TLL1: variants seen among roughly 807,000 people sequenced by gnomAD.
TLL1 encodes the protein tolloid-like protein 1.
In TLL1, 49 loss-of-function variants were observed where a neutral mutation model predicts 128.2. The observed-to-expected ratio is 0.38, with a 90% CI of 0.30 to 0.48. TLL1 has a LOEUF of 0.48. Among genes scored for constraint, TLL1 ranks in the 20% least tolerant of loss-of-function variants. The probability of loss-of-function intolerance (pLI) is 0.96; values close to 1 mark genes in which losing one functional copy is unlikely to be tolerated. For synonymous variants in TLL1, 454 were observed against 418.8 expected (o/e 1.08, Z -1.03); for missense variants, 1,123 against 1,242.0 (o/e 0.90, Z 1.44).
chr4:166,077,522 TG>T (rs1741089600), intron 17 of TLL1, among the ~76,000 whole-genome samples: 1 of 152,176 alleles, frequency 6.6e-6, no homozygotes, highest in African/African-American at 2.4e-5. Context: ...AAATTGAAAA[TG>T]GCATAGTCCA....
intron 1 of TLL1, among the ~76,000 whole-genome samples, chr4:165,941,942 A>T (rs988877043): frequency 2.6e-5 from 4 of 151,988 alleles, no homozygotes; most frequent in African/African-American, 9.7e-5. Context: ...ATAGCAAATG[A>T]TTCAATGTGT....
rs148705563 is a variant in TLL1 at position 166,035,236 on chromosome 4, T to C, written c.1159-4103T>C. Among the ~76,000 whole-genome samples the C allele has an allele frequency of 4.2e-3, 646 of 152,276 alleles. 2 individuals are homozygous for C. The highest frequency in any genetic ancestry group is 0.014 in the African/African-American group (602 of 41,580). Reference sequence around the variant, plus strand: ...CAGAAAAGTTATTTTAATAGAATAATTCAGCTCTTGGTTTCCACCTGTCAT... The same window carrying C: ...CAGAAAAGTTATTTTAATAGAATAACTCAGCTCTTGGTTTCCACCTGTCAT... On this transcript the variant is annotated intron_variant, in intron 9 of 20. Coordinates refer to ENST00000061240, the MANE Select transcript of TLL1 (RefSeq NM_012464.5).
chr4:165,975,528 A>G (rs997036138), intron 1 of TLL1, among the ~76,000 whole-genome samples: 7 of 152,222 alleles, frequency 4.6e-5, no homozygotes, highest in African/African-American at 1.7e-4. Context: ...AAAAAGAAAT[A>G]ATGTCTTCCA....
chr4:166,038,923 T>G (rs1208200989), intron 9 of TLL1, among the ~76,000 whole-genome samples: 1 of 152,180 alleles, frequency 6.6e-6, no homozygotes, highest in African/African-American at 2.4e-5. Context: ...ACTGGTCATT[T>G]TTGAAATAAA....
chr4:165,950,798 C>T (rs955632526), intron 1 of TLL1, among the ~76,000 whole-genome samples: 1 of 151,862 alleles, frequency 6.6e-6, no homozygotes, highest in African/African-American at 2.4e-5. Flanking sequence ...GCATTAAATG[C>T]TTATATTTAA....
intron 1 of TLL1, among the ~76,000 whole-genome samples, chr4:165,918,737 T>C (rs1732896948): frequency 6.6e-6 from 1 of 152,170 alleles, no homozygotes; most frequent in African/African-American, 2.4e-5. Flanking sequence ...AGTTTGTGTT[T>C]TTTATTTTGA....
At chr4:166,068,082 T>A (rs1288346173) in intron 16 of TLL1, among the ~76,000 whole-genome samples, 1 of 151,870 alleles carries the variant, frequency 6.6e-6, no homozygotes, top group Non-Finnish European at 1.5e-5. Context: ...GGGTTCACTT[T>A]GTGAATCATT....
chr4:165,977,756 A>G (rs924322794), intron 1 of TLL1, among the ~76,000 whole-genome samples: 43 of 152,360 alleles, frequency 2.8e-4, no homozygotes, highest in African/African-American at 1.0e-3. Flanking sequence ...CAATAAGCAT[A>G]AGACAAATCT....
chr4:166,095,505 A>T (rs1389155536), intron 19 of TLL1, among the ~76,000 whole-genome samples: 3 of 152,114 alleles, frequency 2.0e-5, no homozygotes. Context: ...TTTAAAATCA[A>T]AGCATTTTCT....
intron 1 of TLL1, among the ~76,000 whole-genome samples, chr4:165,975,531 G>A (rs1030269541): frequency 6.6e-6 from 1 of 152,092 alleles, no homozygotes; most frequent in African/African-American, 2.4e-5. Context: ...AAGAAATAAT[G>A]TCTTCCAGCT....
intron 8 of TLL1, among the ~76,000 whole-genome samples, chr4:166,019,951 G>A (rs1358488008): frequency 1.3e-5 from 2 of 152,086 alleles, no homozygotes; most frequent in African/African-American, 4.8e-5. Flanking sequence ...ACAGAAATAA[G>A]GTTAGGAAGG....
intron 1 of TLL1, among the ~76,000 whole-genome samples, chr4:165,912,804 G>A (rs542860539): frequency 2.0e-5 from 3 of 151,348 alleles, no homozygotes; most frequent in Non-Finnish European, 4.4e-5. Context: ...AAAAGTATCT[G>A]TTTATACTTA....
At chr4:166,054,542 T>C (rs911292955) in intron 12 of TLL1, among the ~76,000 whole-genome samples, 7 of 150,510 alleles carry the variant, frequency 4.7e-5, no homozygotes, top group Non-Finnish European at 1.0e-4. Context: ...ATTAGGTATA[T>C]CTCCCAATGC....
chr4:165,929,537 C>A (rs374100488), intron 1 of TLL1, among the ~76,000 whole-genome samples: 56 of 134,058 alleles, frequency 4.2e-4, no homozygotes, highest in Admixed American at 4.5e-4. Context: ...GACTCCATCT[C>A]AAAAAAAAAA....
rs549689028 is a variant in TLL1, at chr4:165,873,761, T to G, written c.-144T>G. 1 of 808,252 alleles carries G rather than the reference T, an allele frequency of 1.2e-6. No homozygotes were observed. The highest frequency in any genetic ancestry group is 2.5e-5 in the East Asian group (1 of 39,534). 50.1% of individuals were successfully genotyped at this position (808,252 alleles called of 1,614,324 possible). ...ACTGTCCCGGCGGCATCCACATGTT[T>G]CCGGACACCTGAGCACCCCGGTCCC... On this transcript the variant is annotated 5_prime_UTR_variant, in exon 1 of 21. Transcript: ENST00000061240.
At chr4:166,069,899 T>G (rs1740733382) in intron 16 of TLL1, among the ~76,000 whole-genome samples, 1 of 151,768 alleles carries the variant, frequency 6.6e-6, no homozygotes. Context: ...TATGCTACAC[T>G]TATTCCAGGG....
At position 165,928,043 on chromosome 4, in the gene TLL1, T is replaced by C. The variant is rs115389227; in HGVS notation, c.169+53970T>C. On this transcript the variant is annotated intron_variant, in intron 1 of 20. Transcript: ENST00000061240. The stretch of plus-strand genomic sequence containing the variant: ...AGCTTTTCAGAGTGATTTCTCAGGG[T>C]GTGGTTTTGTACAGAGTGGAAAGGG... Among the ~76,000 whole-genome samples, 210 of 152,246 alleles carry C rather than the reference T, an allele frequency of 1.4e-3. 1 individual carries two copies. The highest frequency in any genetic ancestry group is 4.9e-3 in the African/African-American group (202 of 41,552).
rs115121543 is a variant in TLL1 at position 165,967,953 on chromosome 4, A to G, written c.170-21428A>G. Reference sequence around the variant, plus strand: ...TAAGGTTTATTTGGATGTTTACATAACAACAATACAATGCCTAGGTTTGAA... The same window carrying G: ...TAAGGTTTATTTGGATGTTTACATAGCAACAATACAATGCCTAGGTTTGAA... On this transcript the variant is annotated intron_variant, in intron 1 of 20. Coordinates refer to ENST00000061240, the MANE Select transcript of TLL1 (RefSeq NM_012464.5). 4.2e-3 allele frequency among the ~76,000 whole-genome samples: 646 copies of G among 152,342 alleles called. 4 individuals are homozygous for G. The highest frequency in any genetic ancestry group is 0.014 in the African/African-American group (589 of 41,578).
At position 166,064,074 on chromosome 4, in the gene TLL1, G is replaced by C. The variant is rs1195301653; in HGVS notation, c.2008-1609G>C. On this transcript the variant is annotated intron_variant, in intron 15 of 20. Transcript: ENST00000061240. Reference sequence around the variant, plus strand: ...TCTTGGAACTCAATGGGCCATTTGAGCTTCTTTTTAACATTATGTGTAAGT... The same window carrying C: ...TCTTGGAACTCAATGGGCCATTTGACCTTCTTTTTAACATTATGTGTAAGT... Among the ~76,000 whole-genome samples the C allele has an allele frequency of 3.3e-5, 5 of 151,842 alleles. No homozygotes were observed. In the South Asian group the frequency reaches 1.0e-3, roughly 32 times the overall value.
Sources: gnomAD v4.1 joint callset for allele counts (sites outside exome capture counted in the v4.1 genomes callset) on GRCh38, gnomAD v4.1.1 for gene constraint, MANE v1.5 for transcripts, NCBI Gene and HGNC (gene_info 2026-07-23, HGNC 2026-07-21) for gene names.